Variants in DENND11 observed in about 807,000 individuals in gnomAD.
DENND11 encodes the protein DENN domain containing 11, also known as DENN domain-containing protein 11.
A neutral mutation model predicts 49.2 loss-of-function variants in DENND11; 34 were observed. The observed-to-expected ratio is 0.69, with a 90% CI of 0.53 to 0.92. DENND11 has a LOEUF of 0.92. Among genes scored for constraint, DENND11 ranks in the 40% least tolerant of loss-of-function variants. The pLI, the probability that DENND11 is intolerant of heterozygous loss-of-function variation, is 0.00. For missense variants in DENND11, 475 were observed against 581.6 expected (o/e 0.82, Z 1.88); for synonymous variants, 238 against 230.3 (o/e 1.03, Z -0.30).
intron 1 of DENND11, among the ~76,000 whole-genome samples, chr7:141,701,074 C>A (rs1290813610): frequency 1.3e-5 from 2 of 152,020 alleles, no homozygotes; most frequent in East Asian, 3.9e-4. Context: ...TTCCTGGGCG[C>A]GCAGGGTCGT....
rs2117047250 is a variant in DENND11, at chr7:141,660,549, TGTTTGCATATA to T, written c.*2096_*2106del. On this transcript the variant is annotated 3_prime_UTR_variant, in exon 9 of 9. Coordinates refer to ENST00000536163, the MANE Select transcript of DENND11 (RefSeq NM_001080392.2). ...TCTGAGCTTGCAGTTAAAACTGCAG[TGTTTGCATATA>T]GAAGGCTCAGAGCAGAAATGCCTCA... The T allele has an allele frequency of 6.6e-6, 1 of 152,340 alleles. No homozygotes were observed. Among genetic ancestry groups the T allele is most frequent in the South Asian group, 2.1e-4 (1 of 4,832 alleles). 9.4% of individuals were successfully genotyped at this position (152,340 alleles called of 1,614,324 possible). A position where few individuals can be genotyped will look rare whatever the true frequency, so the allele number is the denominator to read the frequency against.
rs1797741597 is a variant in DENND11, at chr7:141,658,883, T to TTACTGTG, written c.*3766_*3772dup. The TTACTGTG allele has an allele frequency of 6.6e-6, 1 of 152,632 alleles. No homozygotes were observed. The highest frequency in any genetic ancestry group is 6.5e-5 in the Admixed American group (1 of 15,278). 9.5% of individuals were successfully genotyped at this position (152,632 alleles called of 1,614,324 possible). A position where few individuals can be genotyped will look rare whatever the true frequency, so the allele number is the denominator to read the frequency against. On this transcript the variant is annotated 3_prime_UTR_variant, in exon 9 of 9. Coordinates refer to ENST00000536163, the MANE Select transcript of DENND11 (RefSeq NM_001080392.2). ...GTTTAAAGATGAGTGATTTCATCTTTTACTGTGTTTGAAGGGCTTTCAGTG... is the reference window on the plus strand; with the variant it reads ...GTTTAAAGATGAGTGATTTCATCTTTTACTGTGTACTGTGTTTGAAGGGCTTTCAGTG...
At chr7:141,668,978 C>T (rs1271126910) in intron 4 of DENND11, among the ~76,000 whole-genome samples, 1 of 152,208 alleles carries the variant, frequency 6.6e-6, no homozygotes, top group Non-Finnish European at 1.5e-5. Flanking sequence ...TTTCTTTTTA[C>T]TCCCTAACCA....
rs1023883933 is a variant in DENND11 at position 141,659,828 on chromosome 7, G to C, written c.*2828C>G. ...GAGGCCGGTGGTCATCATAATGCCC[G>C]CCCCTAAAGAGCTTACAGACCTAGA... On this transcript the variant is annotated 3_prime_UTR_variant, in exon 9 of 9. Coordinates refer to ENST00000536163, the MANE Select transcript of DENND11 (RefSeq NM_001080392.2). 1 of 152,018 alleles carries C rather than the reference G, an allele frequency of 6.6e-6. No homozygotes were observed. Among genetic ancestry groups the C allele is most frequent in the Non-Finnish European group, 1.5e-5 (1 of 68,010 alleles). The allele number at this position is 152,018 out of a possible 1,614,324, so 9.4% of individuals were successfully genotyped here.
chr7:141,682,855 G>C (rs928612931), intron 3 of DENND11, among the ~76,000 whole-genome samples: 2 of 151,720 alleles, frequency 1.3e-5, no homozygotes, highest in African/African-American at 4.8e-5. Flanking sequence ...TGCCTACTTG[G>C]AGAATTAGCT....
intron 3 of DENND11, among the ~76,000 whole-genome samples, chr7:141,676,450 C>T (rs1319338546): frequency 6.6e-6 from 1 of 152,110 alleles, no homozygotes; most frequent in East Asian, 1.9e-4. Flanking sequence ...AACCACGATT[C>T]TAAAGAAAAG....
intron 1 of DENND11, among the ~76,000 whole-genome samples, chr7:141,692,267 C>G (rs1231101202): frequency 1.3e-5 from 2 of 152,096 alleles, no homozygotes; most frequent in African/African-American, 4.8e-5. Flanking sequence ...AATTATTTTG[C>G]GGATATCGAC....
chr7:141,689,496 T>C (rs1238369549), intron 1 of DENND11, among the ~76,000 whole-genome samples: 2 of 152,152 alleles, frequency 1.3e-5, no homozygotes, highest in East Asian at 3.9e-4. Context: ...AGCTAACACA[T>C]GCAGGGCTTA....
chr7:141,677,485 A>ATG (rs1273543973), intron 3 of DENND11, among the ~76,000 whole-genome samples: 2 of 137,484 alleles, frequency 1.5e-5, no homozygotes, highest in African/African-American at 5.5e-5. Flanking sequence ...ATATATATTT[A>ATG]TATGTGTGTG....
chr7:141,684,543 T>A (rs1798200192), intron 3 of DENND11, among the ~76,000 whole-genome samples: 4 of 152,204 alleles, frequency 2.6e-5, no homozygotes, highest in African/African-American at 9.6e-5. Flanking sequence ...AGAGGATTTT[T>A]AAAAATCCTC....
intron 1 of DENND11, among the ~76,000 whole-genome samples, chr7:141,698,850 A>G (rs1160799464): frequency 6.6e-6 from 1 of 152,092 alleles, no homozygotes; most frequent in Admixed American, 6.6e-5. Flanking sequence ...TCTCTCAGGC[A>G]CACACACTGA....
chr7:141,680,530 G>A (rs796342241), intron 3 of DENND11, among the ~76,000 whole-genome samples: 1 of 151,936 alleles, frequency 6.6e-6, no homozygotes, highest in African/African-American at 2.4e-5. Context: ...ATGGACACAC[G>A]GACGCCCAGC....
chr7:141,686,658 C>T lies in DENND11; in HGVS notation c.269G>A (p.Gly90Glu). The T allele has an allele frequency of 6.2e-7, 1 of 1,608,152 alleles. No homozygotes were observed. The highest frequency in any genetic ancestry group is 8.5e-7 in the Non-Finnish European group (1 of 1,175,930). Residue 90 changes from glycine to glutamate, a missense_variant and splice_region_variant, in exon 2 of 9, where the codon GGA becomes GAA. Transcript: ENST00000536163. ...VFVVTFDPRSGNMVEWCLPQD... is the reference protein window; with the variant it reads ...VFVVTFDPRSENMVEWCLPQD... ...AGGTAAGCACCATTCTACCATGTTT[C>T]CTGCAGGAAAAGGAAGATGCAAGTT...
chr7:141,693,428 G>A (rs1798356608), intron 1 of DENND11, among the ~76,000 whole-genome samples: 1 of 152,202 alleles, frequency 6.6e-6, no homozygotes, highest in Admixed American at 6.5e-5. Context: ...TTGAAAGACA[G>A]TTTGGCAGTT....
intron 1 of DENND11, among the ~76,000 whole-genome samples, chr7:141,698,918 G>A (rs1798458688): frequency 6.6e-6 from 1 of 151,542 alleles, no homozygotes; most frequent in Non-Finnish European, 1.5e-5. Flanking sequence ...TAATGCCATG[G>A]CCTGGGCAGT....
Position 141,666,439 on chromosome 7 carries a change from G to C in DENND11, c.682-14C>G. ...TGGGTGTGTGATCTGAAAAAATTGA[G>C]GGGAATAGGGAGGAGAAAGAGTGAG... On this transcript the variant is annotated splice_polypyrimidine_tract_variant and intron_variant, in intron 4 of 8. Transcript: ENST00000536163. The C allele has an allele frequency of 6.3e-7, 1 of 1,582,116 alleles. No homozygotes were observed. The highest frequency in any genetic ancestry group is 8.6e-7 in the Non-Finnish European group (1 of 1,157,788).
chr7:141,687,127 T>G (rs1798255479), intron 1 of DENND11, among the ~76,000 whole-genome samples: 1 of 152,254 alleles, frequency 6.6e-6, no homozygotes. Context: ...TAGCATTTGC[T>G]AATTCCTCAA....
chr7:141,678,816 G>A (rs567132165), intron 3 of DENND11, among the ~76,000 whole-genome samples: 57 of 152,204 alleles, frequency 3.7e-4, no homozygotes, highest in Middle Eastern at 3.4e-3. Flanking sequence ...CTATTTTACC[G>A]TTGGTTTGTT....
chr7:141,667,255 GA>G, intron 4 of DENND11, among the ~76,000 whole-genome samples: 1 of 152,254 alleles, frequency 6.6e-6, no homozygotes. Flanking sequence ...GGCAACCCCT[GA>G]ATTGCCTTCT....
Sources: allele counts gnomAD v4.1 joint callset (sites outside exome capture counted in the v4.1 genomes callset), GRCh38; gene constraint gnomAD v4.1.1; transcripts MANE v1.5; gene names NCBI Gene and HGNC (gene_info 2026-07-23, HGNC 2026-07-21).